Variants in TRAPPC10 observed in about 807,000 individuals in gnomAD.
TRAPPC10 encodes the protein trafficking protein particle complex subunit 10, also known as TRAPP 130 kDa subunit.
Under a neutral mutation model 125.5 loss-of-function variants are expected in TRAPPC10, and 23 were observed. That is an observed-to-expected ratio of 0.18 (90% CI 0.13 to 0.26). The LOEUF is 0.26. Ranked by LOEUF, TRAPPC10 falls within the 10% of genes least tolerant of loss-of-function variation. The pLI, the probability that TRAPPC10 is intolerant of heterozygous loss-of-function variation, is 1.00. For synonymous variants in TRAPPC10, 509 were observed against 518.0 expected, an observed-to-expected ratio of 0.98 and a Z score of 0.24; for missense variants, 1,123 against 1,308.4, an observed-to-expected ratio of 0.86 and a Z score of 2.19.
chr21:44,032,449 C>T (rs1311380563), intron 2 of TRAPPC10, among the ~76,000 whole-genome samples: 1 of 135,752 alleles, frequency 7.4e-6, no homozygotes, highest in Non-Finnish European at 1.5e-5. Context: ...GTAGCGCAAT[C>T]TCGGCTCACT....
At chr21:44,026,815 C>T (rs1475428591) in intron 1 of TRAPPC10, among the ~76,000 whole-genome samples, 1 of 152,174 alleles carries the variant, frequency 6.6e-6, no homozygotes, top group Non-Finnish European at 1.5e-5. Context: ...GTTGAGGCCC[C>T]CAGCTGTGGG....
chr21:44,046,477 T>C, intron 3 of TRAPPC10: 1 of 254,536 alleles, frequency 3.9e-6, no homozygotes, highest in Non-Finnish European at 8.3e-6. Context: ...AAGTTGCAAG[T>C]GACAAGGGGT....
chr21:44,076,742 GT>G (rs560570293), intron 10 of TRAPPC10, 114 bp downstream of exon 10: 33 of 730,466 alleles, frequency 4.5e-5, no homozygotes, highest in Admixed American at 8.6e-5. Flanking sequence ...CTTCTTGTTG[GT>G]TTTTTTTAGT....
At chr21:44,067,254 A>G (rs1352248619) in intron 7 of TRAPPC10, among the ~76,000 whole-genome samples, 2 of 152,206 alleles carry the variant, frequency 1.3e-5, no homozygotes, top group Admixed American at 1.3e-4. Flanking sequence ...AACCAGAGGA[A>G]GAAGAAGGTT....
rs545298336 is a variant in TRAPPC10, at chr21:44,076,560, G to C, written c.1309G>C (p.Ala437Pro). ...GAERPETANT[A>P]QSPYKKLKEA... ...GTTTCTTTCTGTTTAAGCCAACACAGCTCAGAGTCCTTATAAGAAACTGAA... is the reference window on the plus strand; with the variant it reads ...GTTTCTTTCTGTTTAAGCCAACACACCTCAGAGTCCTTATAAGAAACTGAA... Residue 437 changes from alanine to proline, a missense_variant, in exon 10 of 23, where the codon GCT (alanine) becomes CCT (proline). Physicochemically the swap from Ala to Pro is conservative, Grantham distance 27. This residue lies in a region of TRAPPC10 where 840 missense variants were observed against 902.0 expected (regional missense o/e 0.93). Coordinates refer to ENST00000291574, the MANE Select transcript of TRAPPC10 (RefSeq NM_003274.5). 2 of 1,613,872 alleles carry C rather than the reference G, an allele frequency of 1.2e-6. No individual in the cohort carries two copies. Among genetic ancestry groups the C allele is most frequent in the Non-Finnish European group, 1.7e-6 (2 of 1,179,894 alleles).
At chr21:44,031,981 C>T in intron 1 of TRAPPC10, 110 bp from the exon 2 acceptor site, 1 of 864,458 alleles carries the variant, frequency 1.2e-6, no homozygotes, top group South Asian at 1.6e-5. Flanking sequence ...TGCGATATCG[C>T]TTTACTAAAC....
intron 7 of TRAPPC10, among the ~76,000 whole-genome samples, chr21:44,072,401 A>T (rs972140391): frequency 6.6e-6 from 1 of 152,110 alleles, no homozygotes; most frequent in Admixed American, 6.5e-5. Context: ...CTGTGGATGC[A>T]TCTTTACCAA....
intron 3 of TRAPPC10, among the ~76,000 whole-genome samples, chr21:44,044,239 T>C (rs750753009): frequency 6.6e-6 from 1 of 152,084 alleles, no homozygotes; most frequent in Non-Finnish European, 1.5e-5. Flanking sequence ...GTAAAAGTTT[T>C]ACATTTTTAT....
At chr21:44,092,945 C>T (rs1344439339) in intron 19 of TRAPPC10, among the ~76,000 whole-genome samples, 4 of 152,054 alleles carry the variant, frequency 2.6e-5, no homozygotes, top group Admixed American at 6.5e-5. Flanking sequence ...TACAGGCACC[C>T]GCCAACACGC....
In TRAPPC10 at chr21:44,052,425, C is replaced by A; in HGVS notation, c.431C>A (p.Thr144Asn). 1 of 1,612,426 alleles carries A rather than the reference C, an allele frequency of 6.2e-7. No homozygotes were observed. The highest frequency in any genetic ancestry group is 8.5e-7 in the Non-Finnish European group (1 of 1,179,646). Residue 144 changes from threonine (T) to asparagine (N), a missense_variant, in exon 4 of 23, where the codon ACC becomes AAC. By Grantham distance (65) the Thr-to-Asn change is moderately conservative. Transcript: ENST00000291574. ...AACAAAACCAACATCCTTCCCCGAACCTCTATTGTGGACAAAATAAGAAAT... is the reference window on the plus strand; with the variant it reads ...AACAAAACCAACATCCTTCCCCGAAACTCTATTGTGGACAAAATAAGAAAT... ...KKNKTNILPR[T>N]SIVDKIRNDF...
chr21:44,023,841 C>T (rs555478980), intron 1 of TRAPPC10, among the ~76,000 whole-genome samples: 25 of 152,342 alleles, frequency 1.6e-4, no homozygotes, highest in African/African-American at 5.8e-4. Context: ...TGCAATGGCA[C>T]GATCTCAGCC....
chr21:44,032,274 A>G, intron 2 of TRAPPC10, 102 bp downstream of exon 2: 1 of 929,100 alleles, frequency 1.1e-6, no homozygotes. Flanking sequence ...TATGTGAACA[A>G]GTGAAGTAGC....
At chr21:44,090,702 CG>C (rs1419004679) in intron 18 of TRAPPC10, among the ~76,000 whole-genome samples, 1 of 152,080 alleles carries the variant, frequency 6.6e-6, no homozygotes, top group African/African-American at 2.4e-5. Flanking sequence ...TCAATGGGCT[CG>C]GGATGCTAGC....
Position 44,051,774 on chromosome 21 carries a change from C to T in TRAPPC10, c.286-506C>T, listed in dbSNP as rs117874714. On this transcript the variant is annotated intron_variant, in intron 3 of 22. Coordinates refer to ENST00000291574, the MANE Select transcript of TRAPPC10 (RefSeq NM_003274.5). ...GCGGTTGGGGTGGTTCCCAGGGGTA[C>T]AGAGCTCAGAGGCTGTGGTAGAAGC... Among the ~76,000 whole-genome samples, 1,414 of 152,330 alleles carry T rather than the reference C, an allele frequency of 9.3e-3. 10 individuals are homozygous for T. Among genetic ancestry groups the T allele is most frequent in the Middle Eastern group, 0.017 (5 of 294 alleles).
chr21:44,092,303 G>A (rs900504350), intron 19 of TRAPPC10, among the ~76,000 whole-genome samples: 9 of 152,202 alleles, frequency 5.9e-5, no homozygotes, highest in Admixed American at 2.6e-4. Context: ...ATGCGTAGAC[G>A]TGTGCAGATC....
intron 3 of TRAPPC10, among the ~76,000 whole-genome samples, chr21:44,045,197 T>C (rs932780181): frequency 4.6e-5 from 7 of 152,152 alleles, no homozygotes; most frequent in Non-Finnish European, 4.4e-5. Flanking sequence ...CCTCCCAAAG[T>C]GCTTGGATTA....
intron 7 of TRAPPC10, among the ~76,000 whole-genome samples, chr21:44,066,238 G>A (rs968292133): frequency 6.6e-6 from 1 of 152,196 alleles, no homozygotes; most frequent in Non-Finnish European, 1.5e-5. Flanking sequence ...AGGAGGCAAC[G>A]AAGTGGCCAG....
chr21:44,075,700 G>A (rs1601765493), intron 9 of TRAPPC10, among the ~76,000 whole-genome samples: 1 of 152,118 alleles, frequency 6.6e-6, no homozygotes. Flanking sequence ...TGCCCAGGCT[G>A]GTCTCAAACT....
intron 1 of TRAPPC10, among the ~76,000 whole-genome samples, chr21:44,028,211 CTA>C (rs1394321865): frequency 2.0e-5 from 3 of 152,210 alleles, no homozygotes; most frequent in Non-Finnish European, 2.9e-5. Context: ...ATAGCTAAGC[CTA>C]TGTTAGTAAT....
Sources: allele counts gnomAD v4.1 joint callset (sites outside exome capture counted in the v4.1 genomes callset), GRCh38; gene constraint gnomAD v4.1.1; regional missense constraint gnomAD v4.1.1; transcripts MANE v1.5; gene names NCBI Gene and HGNC (gene_info 2026-07-23, HGNC 2026-07-21).